DYM: variants seen among roughly 807,000 people sequenced by gnomAD.
DYM encodes dyggve-Melchior-Clausen syndrome protein.
Under a neutral mutation model 93.1 loss-of-function variants are expected in DYM, and 78 were observed. That is an observed-to-expected ratio of 0.84 (90% confidence interval 0.70 to 1.01). The LOEUF (loss-of-function observed/expected upper bound fraction) is 1.01. Ranked by LOEUF, DYM falls within the 50% of genes least tolerant of loss-of-function variation. DYM has a pLI of 0.00. For synonymous variants in DYM, 321 were observed against 319.7 expected (o/e 1.00, Z -0.04); for missense variants, 789 against 845.0 (o/e 0.93, Z 0.82).
chr18:49,429,606 G>A (rs905606342), intron 2 of DYM, among the ~76,000 whole-genome samples: 2 of 152,174 alleles, frequency 1.3e-5, no homozygotes, highest in Non-Finnish European at 2.9e-5. Context: ...ATGCATTGCT[G>A]GTAGGTATGC....
At chr18:49,323,030 C>T (rs2062609389) in intron 8 of DYM, among the ~76,000 whole-genome samples, 1 of 152,136 alleles carries the variant, frequency 6.6e-6, no homozygotes, top group Admixed American at 6.5e-5. Context: ...TTCTGTAATA[C>T]CAAATTATTG....
intron 1 of DYM, 44 bp from the exon 2 acceptor site, chr18:49,430,491 A>G: frequency 6.9e-7 from 1 of 1,454,486 alleles, no homozygotes; most frequent in South Asian, 1.2e-5. Flanking sequence ...TTCAAAAGTC[A>G]TCATGCTTTG....
At chr18:49,391,551 A>C (rs1297225193) in intron 3 of DYM, 42 bp downstream of exon 3, 1 of 1,593,030 alleles carries the variant, frequency 6.3e-7, no homozygotes, top group South Asian at 1.1e-5. Context: ...AATCTAAAAC[A>C]AAATTTGAAA....
At chr18:49,061,581 T>C (rs1462311364) in intron 17 of DYM, among the ~76,000 whole-genome samples, 1 of 152,164 alleles carries the variant, frequency 6.6e-6, no homozygotes, top group Non-Finnish European at 1.5e-5. Context: ...GGAAACAATG[T>C]GGTCCCTCTG....
chr18:49,144,065 T>A (rs900253683), intron 15 of DYM, among the ~76,000 whole-genome samples: 3 of 152,118 alleles, frequency 2.0e-5, no homozygotes, highest in African/African-American at 7.2e-5. Context: ...AATTAGGTTT[T>A]AAAAAAAGTT....
intron 17 of DYM, among the ~76,000 whole-genome samples, chr18:49,078,456 CCTCCT>C (rs1291187311): frequency 6.6e-6 from 1 of 151,798 alleles, no homozygotes; most frequent in African/African-American, 2.4e-5. Flanking sequence ...GGGCCATATC[CCTCCT>C]CTCCTCTCCT....
At chr18:49,304,372 A>G (rs2061145884) in intron 8 of DYM, among the ~76,000 whole-genome samples, 2 of 152,050 alleles carry the variant, frequency 1.3e-5, no homozygotes, top group South Asian at 4.2e-4. Flanking sequence ...TTCCCCTAAA[A>G]CACCAACATT....
At chr18:49,433,687 G>C (rs1460747756) in intron 1 of DYM, among the ~76,000 whole-genome samples, 2 of 152,104 alleles carry the variant, frequency 1.3e-5, no homozygotes, top group African/African-American at 4.8e-5. Flanking sequence ...GGTCAACATA[G>C]TGAAAACCCG....
chr18:49,292,592 GAA>G (rs72415237), intron 8 of DYM, among the ~76,000 whole-genome samples: 1,054 of 78,506 alleles, frequency 0.013, 12 homozygotes, highest in African/African-American at 0.028. Flanking sequence ...TTTCCTGTTG[GAA>G]AAAAAAAAAA....
At chr18:49,259,880 C>G (rs1238371624) in intron 11 of DYM, among the ~76,000 whole-genome samples, 1 of 151,956 alleles carries the variant, frequency 6.6e-6, no homozygotes, top group Non-Finnish European at 1.5e-5. Flanking sequence ...TCATAGTGTT[C>G]ATAATAAAAA....
Position 49,149,853 on chromosome 18 carries a change from C to T in DYM, c.1728+13832G>A, listed in dbSNP as rs569777917. On this transcript the variant is annotated intron_variant, in intron 15 of 17. Coordinates refer to ENST00000675505, the MANE Select transcript of DYM (RefSeq NM_001353214.3). ...TCCCGAGTAGCTGGGACTACAGGCG[C>T]GCACCACCATGCCTAGCTAATTTTT... is the stretch of plus-strand genomic sequence containing the variant. 3.3e-5 allele frequency among the ~76,000 whole-genome samples: 5 copies of T among 151,870 alleles called. No individual in the cohort carries two copies. In the East Asian group the frequency reaches 7.8e-4, roughly 24 times the overall value.
chr18:49,371,727 T>A (rs562205903), intron 5 of DYM, among the ~76,000 whole-genome samples: 1 of 152,226 alleles, frequency 6.6e-6, no homozygotes, highest in African/African-American at 2.4e-5. Context: ...TAGTTTTGCC[T>A]AGGGCTGGCT....
chr18:49,048,205 C>T (rs2144249063), intron 17 of DYM: 1 of 152,298 alleles, frequency 6.6e-6, no homozygotes, highest in South Asian at 2.1e-4. Context: ...CACATGAGGG[C>T]AATAATCACG....
intron 1 of DYM, among the ~76,000 whole-genome samples, chr18:49,443,563 C>A (rs909750315): frequency 6.6e-6 from 1 of 152,142 alleles, no homozygotes; most frequent in Non-Finnish European, 1.5e-5. Flanking sequence ...TATGTAAAAG[C>A]ATCACGAAGC....
intron 15 of DYM, among the ~76,000 whole-genome samples, chr18:49,145,108 C>CACATATATATATATATATATATAT (rs74174741): frequency 5.3e-5 from 1 of 18,758 alleles, no homozygotes; most frequent in Non-Finnish European, 1.5e-4. Context: ...CAAAAAAATT[C>CACATATATATATATATATATATAT]ATATATATAT....
intron 8 of DYM, among the ~76,000 whole-genome samples, chr18:49,301,102 T>G (rs1001627470): frequency 2.0e-5 from 3 of 152,186 alleles, no homozygotes; most frequent in African/African-American, 7.2e-5. Context: ...TGTAAGTATT[T>G]GAAAAAGAAG....
intron 9 of DYM, among the ~76,000 whole-genome samples, chr18:49,282,592 G>T (rs575504740): frequency 6.6e-6 from 1 of 152,184 alleles, no homozygotes; most frequent in Non-Finnish European, 1.5e-5. Flanking sequence ...CAGCCTGGGC[G>T]AGAGTGAGAC....
At chr18:49,180,607 A>G (rs1222451187) in intron 14 of DYM, among the ~76,000 whole-genome samples, 1 of 152,196 alleles carries the variant, frequency 6.6e-6, no homozygotes, top group Non-Finnish European at 1.5e-5. Flanking sequence ...TACAGCTAGC[A>G]TCATATAATA....
At chr18:49,088,622 T>C (rs2078774032) in intron 17 of DYM, among the ~76,000 whole-genome samples, 1 of 152,010 alleles carries the variant, frequency 6.6e-6, no homozygotes, top group African/African-American at 2.4e-5. Context: ...GACATAACTT[T>C]CAAACATTTC....
Sources: allele counts gnomAD v4.1 joint callset (sites outside exome capture counted in the v4.1 genomes callset), GRCh38; gene constraint gnomAD v4.1.1; transcripts MANE v1.5; gene names NCBI Gene and HGNC (gene_info 2026-07-23, HGNC 2026-07-21).